The following PFKP variants were observed in gnomAD, a reference collection of about 807,000 sequenced individuals.
PFKP encodes the protein phosphofructokinase, platelet, also known as ATP-dependent 6-phosphofructokinase, platelet type.
In PFKP, 101 loss-of-function variants were observed where a neutral mutation model predicts 94.3. That is an observed-to-expected ratio of 1.07 (90% CI 0.91 to 1.26). The LOEUF (loss-of-function observed/expected upper bound fraction) is 1.26. PFKP is among the 50% of genes most tolerant of loss of function. The pLI is 0.00. For missense variants in PFKP, 1,145 were observed against 1,103.3 expected, an observed-to-expected ratio of 1.04 and a Z score of -0.53; for synonymous variants, 573 against 432.6, an observed-to-expected ratio of 1.32 and a Z score of -4.03.
intron 1 of PFKP, chr10:3,069,208 C>G: frequency 2.3e-6 from 3 of 1,300,978 alleles, no homozygotes; most frequent in Non-Finnish European, 3.0e-6. Context: ...CCTGCAGCGC[C>G]CCCGGGAAGT....
At chr10:3,098,187 G>A (rs1198207962) in intron 2 of PFKP, among the ~76,000 whole-genome samples, 1 of 152,064 alleles carries the variant, frequency 6.6e-6, no homozygotes, top group Non-Finnish European at 1.5e-5. Flanking sequence ...CTGTCCTCCG[G>A]ACCTTCACTA....
chr10:3,109,896 A>AGGGGGCAG (rs1835998680), intron 10 of PFKP, among the ~76,000 whole-genome samples: 1 of 151,272 alleles, frequency 6.6e-6, no homozygotes, highest in Non-Finnish European at 1.5e-5. Flanking sequence ...CATGGGGCAG[A>AGGGGGCAG]GGGGGCAGGG....
At position 3,082,395 on chromosome 10, in the gene PFKP, C is replaced by T. The variant is rs144357829; in HGVS notation, c.120C>T (p.Asn40=). ...LTSGGDAQGM[N]AAVRAVVRMG... ...CTCCTGTTTCCACTGCAGGTATGAA[C>T]GCTGCCGTCCGTGCCGTGGTGCGCA... Residue 40 remains asparagine, a synonymous_variant, in exon 2 of 22, where the codon AAC becomes AAT. Coordinates refer to ENST00000381125, the MANE Select transcript of PFKP (RefSeq NM_002627.5). 3.9e-5 allele frequency: 63 copies of T among 1,605,752 alleles called. 1 individual carries two copies. In the South Asian group the frequency reaches 4.3e-4, roughly 11 times the overall value.
At chr10:3,107,777 G>A in intron 8 of PFKP, 1 of 1,196,364 alleles carries the variant, frequency 8.4e-7, no homozygotes, top group Non-Finnish European at 1.1e-6. Flanking sequence ...TCGTGGCCCT[G>A]CCTGGGAACA....
intron 8 of PFKP, chr10:3,107,742 A>G (rs1203431270): frequency 5.0e-6 from 4 of 803,948 alleles, no homozygotes; most frequent in African/African-American, 1.1e-4. Flanking sequence ...TCAGCTGAGC[A>G]CATTCTTACA....
rs6143744 is a variant in PFKP at position 3,113,654 on chromosome 10, A to ATGACTACTTATCTAAG, written c.1371+136_1371+137insTGACTACTTATCTAAG. The ATGACTACTTATCTAAG allele has an allele frequency of 1.2e-5, 8 of 677,912 alleles. No individual in the cohort carries two copies. The Admixed American group carries it at 2.3e-4, about 20-fold the overall frequency. The allele number at this position is 677,912 out of a possible 1,614,324, so 42.0% of individuals were successfully genotyped here. On this transcript the variant is annotated intron_variant, in intron 13 of 21. Coordinates refer to ENST00000381125, the MANE Select transcript of PFKP (RefSeq NM_002627.5). ...CGGGATCCTGTGATATTGTGACTGA[A>ATGACTACTTATCTAAG]GCATTGCTTCTGGAGTAAAATCTCA...
At chr10:3,134,037 T>G (rs1252639141) in intron 19 of PFKP, among the ~76,000 whole-genome samples, 1 of 152,164 alleles carries the variant, frequency 6.6e-6, no homozygotes, top group Admixed American at 6.5e-5. Flanking sequence ...GGTCCAGGCC[T>G]CCTAACTTGC....
Position 3,132,448 on chromosome 10 carries a change from G to A in PFKP, c.1910+7G>A. The A allele has an allele frequency of 6.2e-7, 1 of 1,600,428 alleles. No individual in the cohort carries two copies. The highest frequency in any genetic ancestry group is 8.6e-7 in the Non-Finnish European group (1 of 1,167,654). On this transcript the variant is annotated splice_region_variant and intron_variant, in intron 18 of 21. Transcript: ENST00000381125. ...AGAGAGGCCTTGTGCTCAGGTGAGA[G>A]AGAGAGACCAGGGGCTGATCTTACC...
At chr10:3,129,243 C>T (rs564771651) in intron 16 of PFKP, 1 of 152,378 alleles carries the variant, frequency 6.6e-6, no homozygotes, top group African/African-American at 2.4e-5. Flanking sequence ...ATCTGGAAGA[C>T]TTCCCCAGGT....
chr10:3,099,252 A>G (rs373276680), intron 2 of PFKP, 23 bp from the exon 3 acceptor site: 1 of 1,586,718 alleles, frequency 6.3e-7, no homozygotes, highest in Non-Finnish European at 8.7e-7. Context: ...TCATTTTTAA[A>G]AGATTCTCCC....
chr10:3,095,433 G>A lies in PFKP; in HGVS notation c.187-3842G>A, dbSNP rs576665914. 2.0e-5 allele frequency among the ~76,000 whole-genome samples: 3 copies of A among 152,328 alleles called. No individual in the cohort carries two copies. In the East Asian group the frequency reaches 5.8e-4, roughly 29 times the overall value. ...CTTCAGAGCCTGTGGCATGTTCTTA[G>A]ATGTGATCGAATGACTCAACGTAAA... On this transcript the variant is annotated intron_variant, in intron 2 of 21. Coordinates refer to ENST00000381125, the MANE Select transcript of PFKP (RefSeq NM_002627.5).
chr10:3,101,813 G>A (rs1835020494), intron 4 of PFKP, among the ~76,000 whole-genome samples: 1 of 152,192 alleles, frequency 6.6e-6, no homozygotes, highest in Non-Finnish European at 1.5e-5. Context: ...AGCCATCTAA[G>A]CCAGGTTTTA....
chr10:3,119,720 G>A (rs1264638925), intron 15 of PFKP, among the ~76,000 whole-genome samples, 172 bp from the exon 16 acceptor site: 4 of 152,082 alleles, frequency 2.6e-5, no homozygotes, highest in Admixed American at 1.3e-4. Flanking sequence ...ACAACCTGCC[G>A]ATCCTTGTCT....
At chr10:3,080,266 T>C (rs1487932989) in intron 1 of PFKP, among the ~76,000 whole-genome samples, 4 of 151,992 alleles carry the variant, frequency 2.6e-5, no homozygotes, top group Non-Finnish European at 5.9e-5. Context: ...GCCTGTAATC[T>C]CAGCACTTTG....
chr10:3,080,532 AAAAAAAAAG>A (rs1243194506), intron 1 of PFKP, among the ~76,000 whole-genome samples: 1 of 150,834 alleles, frequency 6.6e-6, no homozygotes, highest in African/African-American at 2.4e-5. Context: ...AAAAAAAAAA[AAAAAAAAAG>A]AGAATATTGA....
At chr10:3,093,489 A>G (rs758885181) in intron 2 of PFKP, among the ~76,000 whole-genome samples, 1 of 152,072 alleles carries the variant, frequency 6.6e-6, no homozygotes, top group Non-Finnish European at 1.5e-5. Flanking sequence ...CCTTCCACTA[A>G]CACGCGTGCG....
At position 3,113,161 on chromosome 10, in the gene PFKP, C is replaced by G; in HGVS notation, c.1197C>G (p.Ile399Met). Reference sequence around the variant, plus strand: ...TGAACACCTACAAGCGACTTGCCATCAAGCTGCCGGATGATCAGATCCCAA... The same window carrying G: ...TGAACACCTACAAGCGACTTGCCATGAAGCTGCCGGATGATCAGATCCCAA... ...GNLNTYKRLAIKLPDDQIPKT... is the reference protein window; with the variant it reads ...GNLNTYKRLAMKLPDDQIPKT... The change falls in exon 12 of 22, where the codon ATC becomes ATG. Residue 399 changes from isoleucine (I) to methionine (M), a missense_variant. Coordinates refer to ENST00000381125, the MANE Select transcript of PFKP (RefSeq NM_002627.5). The G allele has an allele frequency of 1.9e-6, 3 of 1,612,520 alleles. No individual in the cohort carries two copies. Among genetic ancestry groups the G allele is most frequent in the Non-Finnish European group, 8.5e-7 (1 of 1,179,352 alleles).
At chr10:3,118,351 C>G (rs1273048495) in intron 14 of PFKP, among the ~76,000 whole-genome samples, 2 of 151,970 alleles carry the variant, frequency 1.3e-5, no homozygotes, top group South Asian at 2.1e-4. Flanking sequence ...GCCTGTAGTC[C>G]CAGCTACTCG....
chr10:3,103,807 G>C lies in PFKP; in HGVS notation c.483G>C (p.Lys161Asn). The C allele has an allele frequency of 6.2e-7, 1 of 1,613,962 alleles. No homozygotes were observed. The highest frequency in any genetic ancestry group is 8.5e-7 in the Non-Finnish European group (1 of 1,180,036). Residue 161 changes from lysine (K) to asparagine (N), a missense_variant, in exon 5 of 22, where the codon AAG (lysine) becomes AAC (asparagine). Physicochemically the swap from Lys to Asn is moderately conservative, Grantham distance 94. Around this residue, in one of 3 missense-constraint regions of PFKP, gnomAD observed 1,119 missense variants for 1,062.8 expected, o/e 1.05. Transcript: ENST00000381125. ...AGATCGATAAGGAGGCCGTGCAGAA[G>C]TACGCCTACCTCAACGTGGTGGGCA... Reference protein sequence around the residue: ...NGQIDKEAVQKYAYLNVVGMV... With the variant: ...NGQIDKEAVQNYAYLNVVGMV...
Sources: gnomAD v4.1 joint callset for allele counts (sites outside exome capture counted in the v4.1 genomes callset) on GRCh38, gnomAD v4.1.1 for gene constraint, gnomAD v4.1.1 regional missense constraint, MANE v1.5 for transcripts, NCBI Gene and HGNC (gene_info 2026-07-23, HGNC 2026-07-21) for gene names.